SASH1: variants seen among roughly 807,000 people sequenced by gnomAD.
SASH1 encodes SAM and SH3 domain-containing protein 1.
SASH1 carries 44 observed loss-of-function variants against 125.2 expected under a neutral mutation model. That is an observed-to-expected ratio of 0.35 (90% CI 0.28 to 0.45). The LOEUF is 0.45. SASH1 is among the 20% of genes least tolerant of loss of function. SASH1 has a pLI of 1.00. For missense variants in SASH1, 1,426 were observed against 1,614.5 expected (o/e 0.88, Z 2.00); for synonymous variants, 639 against 649.1 (o/e 0.98, Z 0.24).
chr6:148,454,627 TG>T (rs1173757686), intron 4 of SASH1, among the ~76,000 whole-genome samples: 4 of 152,114 alleles, frequency 2.6e-5, no homozygotes, highest in Non-Finnish European at 1.5e-5. Flanking sequence ...CAGGCCTAGC[TG>T]GTGGAAGGCT....
intron 1 of SASH1, among the ~76,000 whole-genome samples, chr6:148,387,058 TCTTTCTTG>T (rs2114805511): frequency 6.6e-6 from 1 of 151,002 alleles, no homozygotes; most frequent in African/African-American, 2.5e-5. Flanking sequence ...TCCCTCTCTT[TCTTTCTTG>T]CTTTCTCCCT....
the SASH1 span, among the ~76,000 whole-genome samples, chr6:148,251,456 CTG>C: frequency 2.0e-5 from 3 of 152,160 alleles, no homozygotes; most frequent in Non-Finnish European, 4.4e-5. Context: ...ACCGAAACCT[CTG>C]CTGTGGCTAG....
Position 148,509,557 on chromosome 6 carries a change from G to A in SASH1, c.730-4767G>A, listed in dbSNP as rs976816423. On this transcript the variant is annotated intron_variant, in intron 8 of 19. Coordinates refer to ENST00000367467, the MANE Select transcript of SASH1 (RefSeq NM_015278.5). ...GGTGGTCTCAAGCGGTCCTCCAAAG[G>A]GTCTAGTTGCTCCTTGCAAATTGGT... 2.0e-5 allele frequency among the ~76,000 whole-genome samples: 3 copies of A among 151,960 alleles called. No homozygotes were observed. The South Asian group carries it at 6.2e-4, about 32-fold the overall frequency.
chr6:148,444,176 C>A (rs558462757), intron 4 of SASH1, among the ~76,000 whole-genome samples: 14 of 152,352 alleles, frequency 9.2e-5, no homozygotes, highest in African/African-American at 3.1e-4. Flanking sequence ...TCAGGGACCC[C>A]CTGTGTGCAC....
At chr6:148,198,867 A>C in the SASH1 span, among the ~76,000 whole-genome samples, 2 of 152,234 alleles carry the variant, frequency 1.3e-5, no homozygotes, top group Non-Finnish European at 2.9e-5. Flanking sequence ...AAAAGATGAC[A>C]ATTATCAGCT....
chr6:148,200,778 G>A, the SASH1 span, among the ~76,000 whole-genome samples: 5 of 152,332 alleles, frequency 3.3e-5, no homozygotes, highest in East Asian at 9.6e-4. Context: ...ACAATTGAAG[G>A]ACAGACATAG....
intron 9 of SASH1, among the ~76,000 whole-genome samples, chr6:148,517,937 C>T (rs570459680): frequency 6.6e-6 from 1 of 152,152 alleles, no homozygotes; most frequent in East Asian, 1.9e-4. Flanking sequence ...GACACCTGGG[C>T]GGATGGTGAA....
At chr6:148,326,268 T>G (rs1356849603) in intron 1 of SASH1, among the ~76,000 whole-genome samples, 2 of 130,080 alleles carry the variant, frequency 1.5e-5, no homozygotes, top group Non-Finnish European at 3.2e-5. Context: ...CCCCAGGTGA[T>G]CCACTTGCCT....
chr6:148,530,490 C>G lies in SASH1; in HGVS notation c.1429-1036C>G, dbSNP rs148136845. Among the ~76,000 whole-genome samples the G allele has an allele frequency of 1.3e-3, 205 of 152,152 alleles. 1 individual carries two copies. The highest frequency in any genetic ancestry group is 4.7e-3 in the African/African-American group (195 of 41,508). On this transcript the variant is annotated intron_variant, in intron 12 of 19. Coordinates refer to ENST00000367467, the MANE Select transcript of SASH1 (RefSeq NM_015278.5). ...TTTGTTGTTTTTGAGGTCGCTTGCT[C>G]ACTTTCCTCACATTGAAAGCACTAA... is the stretch of plus-strand genomic sequence containing the variant.
chr6:148,239,614 C>A, the SASH1 span, among the ~76,000 whole-genome samples: 18 of 152,040 alleles, frequency 1.2e-4, no homozygotes. Context: ...AATCACTGTG[C>A]GCGAATCATT....
chr6:148,332,464 G>T (rs1781023170), intron 1 of SASH1, among the ~76,000 whole-genome samples: 1 of 152,110 alleles, frequency 6.6e-6, no homozygotes, highest in Non-Finnish European at 1.5e-5. Flanking sequence ...GTTGTCGTCT[G>T]TAACAAATAA....
chr6:148,219,793 G>C, the SASH1 span, among the ~76,000 whole-genome samples: 2 of 152,210 alleles, frequency 1.3e-5, no homozygotes, highest in Admixed American at 6.5e-5. Context: ...AATGGACTGA[G>C]TTTAGACTTG....
intron 8 of SASH1, among the ~76,000 whole-genome samples, chr6:148,501,413 A>G (rs1032724737): frequency 1.3e-5 from 2 of 152,182 alleles, no homozygotes; most frequent in Non-Finnish European, 2.9e-5. Flanking sequence ...CCTACTTGGC[A>G]GTCCTGTTCT....
Position 148,343,015 on chromosome 6 carries a change from G to C in SASH1, c.-53G>C. ...TCCGGGCAGGCTGCGCGCGGGTGCG[G>C]GGCGAGGGCGCCGCGGGGACTGGGA... On this transcript the variant is annotated 5_prime_UTR_variant, in exon 1 of 20. Coordinates refer to ENST00000367467, the MANE Select transcript of SASH1 (RefSeq NM_015278.5). 8.8e-7 allele frequency: 1 copy of C among 1,140,268 alleles called. No individual in the cohort carries two copies. Among genetic ancestry groups the C allele is most frequent in the Non-Finnish European group, 1.1e-6 (1 of 930,278 alleles). 70.6% of individuals were successfully genotyped at this position (1,140,268 alleles called of 1,614,324 possible). A position where few individuals can be genotyped will look rare whatever the true frequency, so the allele number is the denominator to read the frequency against.
chr6:148,467,320 C>T (rs141936073), intron 4 of SASH1, among the ~76,000 whole-genome samples: 2,734 of 152,172 alleles, frequency 0.018, 94 homozygotes, highest in African/African-American at 0.061. Flanking sequence ...TGGTCTCAAA[C>T]TCCTGACCTC....
intron 1 of SASH1, among the ~76,000 whole-genome samples, chr6:148,363,757 G>A (rs1322816116): frequency 6.6e-6 from 1 of 151,836 alleles, no homozygotes; most frequent in Non-Finnish European, 1.5e-5. Context: ...CTCACTCCCT[G>A]GTCTTTGAGG....
intron 8 of SASH1, chr6:148,514,008 G>C (rs1324077152): frequency 1.1e-4 from 117 of 1,031,176 alleles, no homozygotes; most frequent in Non-Finnish European, 1.3e-4. Context: ...AGCATCGGAG[G>C]GAGAGTCCTG....
chr6:148,512,199 T>C (rs891241128), intron 8 of SASH1, among the ~76,000 whole-genome samples: 17 of 152,098 alleles, frequency 1.1e-4, no homozygotes, highest in African/African-American at 4.1e-4. Flanking sequence ...TTTGTATTTT[T>C]AGTAGAGACG....
intron 1 of SASH1, among the ~76,000 whole-genome samples, chr6:148,372,421 C>T (rs1364716713): frequency 6.6e-6 from 1 of 152,054 alleles, no homozygotes; most frequent in East Asian, 1.9e-4. Context: ...CCATTTGTTT[C>T]TTTTGAAATC....
Sources: allele counts gnomAD v4.1 joint callset (sites outside exome capture counted in the v4.1 genomes callset), GRCh38; gene constraint gnomAD v4.1.1; transcripts MANE v1.5; gene names NCBI Gene and HGNC (gene_info 2026-07-23, HGNC 2026-07-21).